Variants in KPNA4 observed in about 807,000 individuals in gnomAD.
The protein encoded by KPNA4 is importin subunit alpha-3.
A neutral mutation model predicts 71.3 loss-of-function variants in KPNA4; 13 were observed. That is an observed-to-expected ratio of 0.18 (90% confidence interval 0.12 to 0.29). The LOEUF (loss-of-function observed/expected upper bound fraction) is 0.29, where lower values mean the gene tolerates loss of function less well. Among genes scored for constraint, KPNA4 ranks in the 10% least tolerant of loss-of-function variants. The probability of loss-of-function intolerance (pLI) is 1.00; values close to 1 mark genes in which losing one functional copy is unlikely to be tolerated. For missense variants in KPNA4, 334 were observed against 603.2 expected (o/e 0.55, Z 4.67); for synonymous variants, 189 against 195.2 (o/e 0.97, Z 0.26).
intron 1 of KPNA4, among the ~76,000 whole-genome samples, chr3:160,551,946 G>A (rs941544687): frequency 2.1e-5 from 3 of 143,528 alleles, no homozygotes; most frequent in African/African-American, 5.0e-5. Flanking sequence ...AACTGGGGGG[G>A]GGGGGGTGAT....
intron 1 of KPNA4, among the ~76,000 whole-genome samples, chr3:160,556,210 T>C (rs569108501): frequency 2.4e-4 from 37 of 152,350 alleles, no homozygotes; most frequent in African/African-American, 7.9e-4. Flanking sequence ...GCAGACATTA[T>C]GTTTGCAATT....
chr3:160,533,749 G>A (rs150186641), intron 5 of KPNA4, among the ~76,000 whole-genome samples: 485 of 152,256 alleles, frequency 3.2e-3, no homozygotes, highest in Non-Finnish European at 4.8e-3. Context: ...GGCAAATGAA[G>A]TCTTAGAATT....
Position 160,526,166 on chromosome 3 carries a change from A to G in KPNA4, c.557-59T>C, listed in dbSNP as rs111599196. 11,816 of 1,266,646 alleles carry G rather than the reference A, an allele frequency of 9.3e-3. 59 individuals carry two copies. The highest frequency in any genetic ancestry group is 0.014 in the Middle Eastern group (48 of 3,392). 78.5% of individuals were successfully genotyped at this position (1,266,646 alleles called of 1,614,324 possible). ...ACATACTGACAGTAAGCATTTTCAG[A>G]AAACACAAAGCACTGGGAATATGCT... On this transcript the variant is annotated intron_variant, in intron 8 of 16. Coordinates refer to ENST00000334256, the MANE Select transcript of KPNA4 (RefSeq NM_002268.5).
intron 7 of KPNA4, 66 bp from the exon 8 acceptor site, chr3:160,528,105 T>G (rs1721497020): frequency 1.6e-6 from 2 of 1,267,374 alleles, no homozygotes; most frequent in African/African-American, 1.5e-5. Context: ...CAATCTTTAT[T>G]TTTTTGCTGA....
intron 1 of KPNA4, 68 bp downstream of exon 1, chr3:160,565,146 C>G (rs1421226128): frequency 1.6e-5 from 22 of 1,352,102 alleles, no homozygotes; most frequent in Non-Finnish European, 2.0e-5. Context: ...TCCCCACACT[C>G]GGGGTCCCGG....
chr3:160,557,061 T>A (rs781126998), intron 1 of KPNA4, among the ~76,000 whole-genome samples: 1 of 152,120 alleles, frequency 6.6e-6, no homozygotes, highest in Non-Finnish European at 1.5e-5. Flanking sequence ...AGGAACCAAA[T>A]CCTCTGCACT....
chr3:160,551,255 T>G (rs965340469), intron 1 of KPNA4, among the ~76,000 whole-genome samples: 1 of 152,234 alleles, frequency 6.6e-6, no homozygotes, highest in African/African-American at 2.4e-5. Flanking sequence ...TCCAAGTTGT[T>G]GGCATACAAG....
chr3:160,497,074 C>A lies in KPNA4; in HGVS notation c.*5030G>T, dbSNP rs965006915. ...CAGTCCAAATTTGCTTCTGATCACA[C>A]TAGAATAGTTTTACCAATGTTCATT... is the stretch of plus-strand genomic sequence containing the variant. On this transcript the variant is annotated 3_prime_UTR_variant, in exon 17 of 17. Transcript: ENST00000334256. 6.6e-6 allele frequency: 1 copy of A among 152,184 alleles called. No homozygotes were observed. Among genetic ancestry groups the A allele is most frequent in the African/African-American group, 2.4e-5 (1 of 41,436 alleles). The allele number at this position is 152,184 out of a possible 1,614,324, so 9.4% of individuals were successfully genotyped here.
At chr3:160,511,466 T>C (rs1441466537) in intron 13 of KPNA4, among the ~76,000 whole-genome samples, 2 of 152,108 alleles carry the variant, frequency 1.3e-5, no homozygotes, top group Non-Finnish European at 2.9e-5. Flanking sequence ...TCATCATTAA[T>C]AGATTGACTT....
chr3:160,535,924 A>AAAC lies in KPNA4; in HGVS notation c.115-28_115-27insGTT, dbSNP rs745550847. On this transcript the variant is annotated intron_variant, in intron 2 of 16. Transcript: ENST00000334256. Reference sequence around the variant, plus strand: ...TTAAAAAAAAAAAAAAAAAAAAAAAAACCAAACAGAGAATTTGAGTTAAAA... The same window carrying AAAC: ...TTAAAAAAAAAAAAAAAAAAAAAAAAAACACCAAACAGAGAATTTGAGTTAAAA... The AAAC allele has an allele frequency of 4.2e-5, 45 of 1,081,250 alleles. No individual in the cohort carries two copies. The African/African-American group carries it at 7.2e-4, about 17-fold the overall frequency. 67.0% of individuals were successfully genotyped at this position (1,081,250 alleles called of 1,614,324 possible). A position where few individuals can be genotyped will look rare whatever the true frequency, so the allele number is the denominator to read the frequency against.
intron 8 of KPNA4, among the ~76,000 whole-genome samples, chr3:160,526,855 A>G (rs1721469086): frequency 6.6e-6 from 1 of 152,250 alleles, no homozygotes; most frequent in Non-Finnish European, 1.5e-5. Flanking sequence ...TGTCACTGGA[A>G]TAAAAAAATG....
At position 160,496,704 on chromosome 3, in the gene KPNA4, TAA is replaced by T. The variant is rs1720771725; in HGVS notation, c.*5398_*5399del. Reference sequence around the variant, plus strand: ...CTGGAGTAGGCAGCTACAAAAGGTATAAAATTTGTGGAGAAGGCAAAAATTGG... The same window carrying T: ...CTGGAGTAGGCAGCTACAAAAGGTATAATTTGTGGAGAAGGCAAAAATTGG... On this transcript the variant is annotated 3_prime_UTR_variant, in exon 17 of 17. Transcript: ENST00000334256. 6.6e-6 allele frequency: 1 copy of T among 152,206 alleles called. No individual in the cohort carries two copies. Among genetic ancestry groups the T allele is most frequent in the African/African-American group, 2.4e-5 (1 of 41,464 alleles). 9.4% of individuals were successfully genotyped at this position (152,206 alleles called of 1,614,324 possible). A position where few individuals can be genotyped will look rare whatever the true frequency, so the allele number is the denominator to read the frequency against.
At chr3:160,542,358 TTC>T (rs768362198) in intron 1 of KPNA4, among the ~76,000 whole-genome samples, 5 of 152,140 alleles carry the variant, frequency 3.3e-5, no homozygotes, top group African/African-American at 4.8e-5. Flanking sequence ...TATTTCTTAT[TTC>T]TCTCTCTCTG....
chr3:160,525,311 G>T (rs1355405884), intron 10 of KPNA4, among the ~76,000 whole-genome samples: 1 of 152,100 alleles, frequency 6.6e-6, no homozygotes, highest in African/African-American at 2.4e-5. Context: ...CCATGGTTTG[G>T]TATGTGTATA....
At chr3:160,540,049 G>A (rs1052020379) in intron 1 of KPNA4, among the ~76,000 whole-genome samples, 19 of 147,948 alleles carry the variant, frequency 1.3e-4, no homozygotes, top group Middle Eastern at 7.0e-3. Context: ...GCCCAGGCTG[G>A]AGTACAGTAA....
intron 1 of KPNA4, among the ~76,000 whole-genome samples, chr3:160,559,403 G>T (rs898498820): frequency 2.0e-5 from 3 of 152,104 alleles, no homozygotes; most frequent in African/African-American, 7.2e-5. Flanking sequence ...TAACAATCAT[G>T]AATTTTTTAT....
rs200426711 is a variant in KPNA4, at chr3:160,530,925, A to G, written c.399T>C (p.Phe133=). 8.1e-6 allele frequency: 13 copies of G among 1,610,682 alleles called. No individual in the cohort carries two copies. The Admixed American group carries it at 2.2e-4, about 27-fold the overall frequency. ...TGTTTGTCAAAGCCCATGCAGCTTC[A>G]AACTGTAAAGAAGGACTACAAAAAA... The part of the protein sequence containing the change: ...LERDDNPSLQ[F]EAAWALTNIA... The change falls in exon 7 of 17, where the codon TTT becomes TTC. Residue 133 remains phenylalanine (F), a synonymous_variant. Transcript: ENST00000334256.
At chr3:160,556,739 C>T (rs1210795581) in intron 1 of KPNA4, among the ~76,000 whole-genome samples, 1 of 152,096 alleles carries the variant, frequency 6.6e-6, no homozygotes, top group Non-Finnish European at 1.5e-5. Flanking sequence ...GACGCTCAAC[C>T]TGTACTGTCA....
rs77851309 is a variant in KPNA4, at chr3:160,543,871, T to C, written c.70-7031A>G. ...ATGGGAATCCTTGACCTTTTTTTTT[T>C]CCCAAGATGGAGTTTCGCTCTTGCT... On this transcript the variant is annotated intron_variant, in intron 1 of 16. Coordinates refer to ENST00000334256, the MANE Select transcript of KPNA4 (RefSeq NM_002268.5). 2.7e-4 allele frequency among the ~76,000 whole-genome samples: 41 copies of C among 151,860 alleles called. No homozygotes were observed. The East Asian group carries it at 4.5e-3, about 17-fold the overall frequency.
Sources: gnomAD v4.1 joint callset for allele counts (sites outside exome capture counted in the v4.1 genomes callset) on GRCh38, gnomAD v4.1.1 for gene constraint, MANE v1.5 for transcripts, NCBI Gene and HGNC (gene_info 2026-07-23, HGNC 2026-07-21) for gene names.